Variants in MED13 observed in about 807,000 individuals in gnomAD.
MED13 encodes mediator of RNA polymerase II transcription subunit 13.
Under a neutral mutation model 225.2 loss-of-function variants are expected in MED13, and 23 were observed. The observed-to-expected ratio is 0.10, with a 90% CI of 0.07 to 0.14. The LOEUF (loss-of-function observed/expected upper bound fraction) is 0.14, where lower values mean the gene tolerates loss of function less well. Ranked by LOEUF, MED13 falls within the 10% of genes least tolerant of loss-of-function variation. MED13 has a pLI of 1.00. For missense variants in MED13, 2,197 were observed against 2,594.5 expected, an observed-to-expected ratio of 0.85 and a Z score of 3.33; for synonymous variants, 942 against 889.2, an observed-to-expected ratio of 1.06 and a Z score of -1.06.
chr17:61,991,830 G>A (rs1180766341), intron 11 of MED13, among the ~76,000 whole-genome samples: 4 of 151,976 alleles, frequency 2.6e-5, no homozygotes, highest in African/African-American at 9.7e-5. Flanking sequence ...TTTTTTAGTA[G>A]GGATGGTGTT....
intron 12 of MED13, among the ~76,000 whole-genome samples, chr17:61,985,312 A>C (rs1326586521): frequency 6.6e-6 from 1 of 152,192 alleles, no homozygotes; most frequent in Non-Finnish European, 1.5e-5. Flanking sequence ...AAAAGGAAAA[A>C]GTTCCTCCAA....
chr17:62,017,898 G>A (rs1355977306), intron 8 of MED13, among the ~76,000 whole-genome samples: 2 of 152,196 alleles, frequency 1.3e-5, no homozygotes, highest in Non-Finnish European at 2.9e-5. Context: ...GCGCTTGTAC[G>A]ACTGAGTTAC....
chr17:62,014,314 A>ATAT (rs2080541581), intron 8 of MED13, among the ~76,000 whole-genome samples: 1 of 149,580 alleles, frequency 6.7e-6, no homozygotes, highest in Middle Eastern at 3.2e-3. Flanking sequence ...ATGTTTTTAT[A>ATAT]TATATATATA....
chr17:61,987,889 C>A (rs73334687), intron 11 of MED13, among the ~76,000 whole-genome samples: 1 of 151,878 alleles, frequency 6.6e-6, no homozygotes, highest in African/African-American at 2.4e-5. Context: ...ACTACAGGCA[C>A]GTGACCCTAT....
chr17:62,002,879 T>C (rs1213689581), intron 9 of MED13, among the ~76,000 whole-genome samples: 1 of 152,244 alleles, frequency 6.6e-6, no homozygotes, highest in East Asian at 1.9e-4. Flanking sequence ...AAGTTATTCA[T>C]TATATTAAAG....
intron 18 of MED13, 135 bp downstream of exon 18, chr17:61,967,900 G>C: frequency 1.5e-6 from 1 of 682,274 alleles, no homozygotes; most frequent in South Asian, 2.0e-5. Context: ...GAATGTAACT[G>C]GCTAGTATGA....
chr17:62,052,678 C>T lies in MED13; in HGVS notation c.329G>A (p.Gly110Glu). Reference sequence around the variant, plus strand: ...CAGAGTACGGCATTCATAGGAAAGTCCATTCTCCCACACTCCATCTTCTTC... The same window carrying T: ...CAGAGTACGGCATTCATAGGAAAGTTCATTCTCCCACACTCCATCTTCTTC... ...SEEEDGVWEN[G>E]LSYECRTLLF... The change falls in exon 3 of 30, where the codon GGA becomes GAA. Residue 110 changes from glycine to glutamate, a missense_variant. Physicochemically the swap from Gly to Glu is moderately conservative, Grantham distance 98 (BLOSUM62 -2). Transcript: ENST00000397786. The T allele has an allele frequency of 6.3e-7, 1 of 1,583,974 alleles. No homozygotes were observed. Among genetic ancestry groups the T allele is most frequent in the Non-Finnish European group, 8.6e-7 (1 of 1,163,504 alleles).
chr17:61,949,895 G>C (rs2079882685), intron 28 of MED13, among the ~76,000 whole-genome samples: 1 of 151,914 alleles, frequency 6.6e-6, no homozygotes, highest in Non-Finnish European at 1.5e-5. Context: ...ATGTTGGCCA[G>C]ACTGGTCTCA....
chr17:61,983,445 G>A (rs544480972), intron 15 of MED13, among the ~76,000 whole-genome samples: 2 of 151,982 alleles, frequency 1.3e-5, no homozygotes, highest in African/African-American at 4.8e-5. Flanking sequence ...AGATGCTACT[G>A]ACTATAAAAA....
chr17:62,056,960 GCAGATTA>G (rs1341123939), intron 2 of MED13, among the ~76,000 whole-genome samples: 1 of 152,084 alleles, frequency 6.6e-6, no homozygotes, highest in East Asian at 1.9e-4. Flanking sequence ...TCCTGAAGAT[GCAGATTA>G]CAGTAGTGCC....
chr17:62,018,799 G>A (rs1166762307), intron 8 of MED13, among the ~76,000 whole-genome samples: 4 of 152,024 alleles, frequency 2.6e-5, no homozygotes, highest in African/African-American at 4.8e-5. Flanking sequence ...TTGAGCATCC[G>A]TAGATTTTGT....
chr17:62,045,337 C>G (rs374910451), intron 3 of MED13, among the ~76,000 whole-genome samples: 1 of 152,208 alleles, frequency 6.6e-6, no homozygotes, highest in East Asian at 1.9e-4. Flanking sequence ...TTCAACATGA[C>G]AAAAAGCTTA....
chr17:62,035,320 G>A, intron 4 of MED13, 143 bp downstream of exon 4: 1 of 762,588 alleles, frequency 1.3e-6, no homozygotes, highest in Non-Finnish European at 2.0e-6. Context: ...ACTGTAATGG[G>A]GAAGGAAAAA....
In MED13 at chr17:61,982,455, T is replaced by G. The variant is rs770341628; in HGVS notation, c.3548A>C (p.Lys1183Thr). 6.2e-7 allele frequency: 1 copy of G among 1,614,218 alleles called. No individual in the cohort carries two copies. The highest frequency in any genetic ancestry group is 2.2e-5 in the East Asian group (1 of 44,884). ...CAATAATATCAAATCATCAGATAATTTTTCAGATTCCTTTAGTCCTCCATT... is the reference window on the plus strand; with the variant it reads ...CAATAATATCAAATCATCAGATAATGTTTCAGATTCCTTTAGTCCTCCATT... ...HVNGGLKESE[K>T]LSDDLILLLQ... The change falls in exon 16 of 30, where the codon AAA becomes ACA. Residue 1183 changes from lysine to threonine, a missense_variant. Lys to Thr is a moderately conservative substitution (Grantham distance 78, BLOSUM62 -1). Around this residue, in one of 12 missense-constraint regions of MED13, gnomAD observed 203 missense variants for 209.7 expected, o/e 0.97. Coordinates refer to ENST00000397786, the MANE Select transcript of MED13 (RefSeq NM_005121.3).
intron 8 of MED13, among the ~76,000 whole-genome samples, chr17:62,015,954 ATTTTTTTT>A (rs869061252): frequency 4.1e-3 from 53 of 12,888 alleles, no homozygotes; most frequent in Admixed American, 0.012. Context: ...ATATATATAT[ATTTTTTTT>A]TTTTTTTTTT....
At chr17:61,947,082 C>T in intron 28 of MED13, 65 bp from the exon 29 acceptor site, 3 of 1,075,522 alleles carry the variant, frequency 2.8e-6, no homozygotes, top group Non-Finnish European at 4.3e-6. Context: ...TTAGTTTTAC[C>T]TTATTCTCCC....
chr17:61,972,630 T>C (rs1035086185), intron 17 of MED13, 97 bp downstream of exon 17: 62 of 1,163,738 alleles, frequency 5.3e-5, no homozygotes, highest in Admixed American at 2.5e-5. Flanking sequence ...ATATCACAAA[T>C]ATATTTAAAG....
chr17:62,007,616 AGGCGGGCGGATCACGAGGTCGG>A (rs547781463), intron 9 of MED13: 7 of 151,566 alleles, frequency 4.6e-5, no homozygotes, highest in African/African-American at 1.7e-4. Flanking sequence ...TAGGAGGCCG[AGGCGGGCGGATCACGAGGTCGG>A]GAGATCCAGA....
rs1475329288 is a variant in MED13, at chr17:62,031,801, T to C, written c.815-163A>G. On this transcript the variant is annotated intron_variant, in intron 5 of 29. Coordinates refer to ENST00000397786, the MANE Select transcript of MED13 (RefSeq NM_005121.3). ...TTGGCATAAGTTTTTCTTTTCTTTT[T>C]TTTTTTTCTCTTTTTTAGAAGAAAC... Among the ~76,000 whole-genome samples, 4 of 151,926 alleles carry C rather than the reference T, an allele frequency of 2.6e-5. No homozygotes were observed. The East Asian group carries it at 7.7e-4, about 29-fold the overall frequency.
Sources: allele counts gnomAD v4.1 joint callset (sites outside exome capture counted in the v4.1 genomes callset), GRCh38; gene constraint gnomAD v4.1.1; regional missense constraint gnomAD v4.1.1; transcripts MANE v1.5; gene names NCBI Gene and HGNC (gene_info 2026-07-23, HGNC 2026-07-21).